TCF12: variants seen among roughly 807,000 people sequenced by gnomAD.
TCF12 encodes the protein transcription factor 12.
TCF12 carries 45 observed loss-of-function variants against 86.0 expected under a neutral mutation model. That is an observed-to-expected ratio of 0.52 (90% CI 0.41 to 0.67). The LOEUF (loss-of-function observed/expected upper bound fraction) is 0.67. Ranked by LOEUF, TCF12 falls within the 30% of genes least tolerant of loss-of-function variation. The pLI, the probability that TCF12 is intolerant of heterozygous loss-of-function variation, is 0.00. For missense variants in TCF12, 881 were observed against 859.9 expected, an observed-to-expected ratio of 1.02 and a Z score of -0.31; for synonymous variants, 330 against 299.6, an observed-to-expected ratio of 1.10 and a Z score of -1.05.
At chr15:57,216,294 A>G (rs1414828465) in intron 8 of TCF12, among the ~76,000 whole-genome samples, 5 of 152,248 alleles carry the variant, frequency 3.3e-5, no homozygotes, top group South Asian at 2.1e-4. Context: ...AGTGTGTACA[A>G]TGATTCCTAT....
chr15:57,134,130 A>G (rs2052352386), intron 5 of TCF12, among the ~76,000 whole-genome samples: 1 of 152,180 alleles, frequency 6.6e-6, no homozygotes, highest in African/African-American at 2.4e-5. Context: ...AAGATTCTAT[A>G]GTTATATTGG....
Position 56,925,063 on chromosome 15 carries a change from A to T in TCF12, c.148+3965A>T, listed in dbSNP as rs371946131. Among the ~76,000 whole-genome samples, 26 of 152,170 alleles carry T rather than the reference A, an allele frequency of 1.7e-4. No homozygotes were observed. The East Asian group carries it at 4.5e-3, about 26-fold the overall frequency. On this transcript the variant is annotated intron_variant, in intron 3 of 20. Coordinates refer to ENST00000333725, the MANE Select transcript of TCF12 (RefSeq NM_207037.2). ...ATAATACAAAAACTTGCTGGGTGTG[A>T]TGGTGGGCACCTGTAATCCCAGCTA...
intron 7 of TCF12, 117 bp from the exon 8 acceptor site, chr15:57,197,656 A>T: frequency 9.0e-7 from 1 of 1,111,902 alleles, no homozygotes; most frequent in Non-Finnish European, 1.3e-6. Context: ...TTTGCTGCTT[A>T]CTCCCAAATA....
intron 5 of TCF12, among the ~76,000 whole-genome samples, chr15:57,143,599 G>A (rs2053148388): frequency 6.6e-6 from 1 of 152,154 alleles, no homozygotes; most frequent in South Asian, 2.1e-4. Flanking sequence ...AAGCTGGGTT[G>A]TAGGTTTTCT....
chr15:57,040,214 AC>A (rs1390782374), intron 3 of TCF12, among the ~76,000 whole-genome samples: 6 of 152,218 alleles, frequency 3.9e-5, no homozygotes, highest in Non-Finnish European at 8.8e-5. Flanking sequence ...TCTTAATGCA[AC>A]AAAAGAGCAA....
chr15:57,268,069 A>T (rs1384066253), intron 18 of TCF12, among the ~76,000 whole-genome samples: 4 of 152,192 alleles, frequency 2.6e-5, no homozygotes, highest in Non-Finnish European at 5.9e-5. Context: ...CACTGAGCTG[A>T]CATCTCATCA....
At chr15:56,990,473 G>A (rs968745048) in intron 3 of TCF12, among the ~76,000 whole-genome samples, 2 of 151,976 alleles carry the variant, frequency 1.3e-5, no homozygotes, top group South Asian at 2.1e-4. Context: ...CCATCATAAG[G>A]TGGTTTTTCT....
intron 8 of TCF12, among the ~76,000 whole-genome samples, chr15:57,221,065 A>G (rs2058567654): frequency 6.6e-6 from 1 of 152,194 alleles, no homozygotes; most frequent in East Asian, 1.9e-4. Flanking sequence ...AGAACTAATA[A>G]AAGCACTTTT....
chr15:57,256,498 T>C (rs1217074526), intron 16 of TCF12, among the ~76,000 whole-genome samples: 2 of 152,130 alleles, frequency 1.3e-5, no homozygotes, highest in Admixed American at 1.3e-4. Flanking sequence ...TCCTCCTAAC[T>C]AATCATGACT....
At position 57,282,490 on chromosome 15, in the gene TCF12, A is replaced by C. The variant is rs2061736480; in HGVS notation, c.2024A>C (p.Glu675Ala). 3.7e-6 allele frequency: 6 copies of C among 1,614,128 alleles called. No homozygotes were observed. The highest frequency in any genetic ancestry group is 5.1e-6 in the Non-Finnish European group (6 of 1,180,054). The change falls in exon 20 of 21, where the codon GAA becomes GCA. Residue 675 changes from glutamate to alanine, a missense_variant. Glu to Ala is a moderately radical substitution (Grantham distance 107, BLOSUM62 -1). Around this residue, in one of 3 missense-constraint regions of TCF12, gnomAD observed 69 missense variants for 64.2 expected, o/e 1.07. Coordinates refer to ENST00000333725, the MANE Select transcript of TCF12 (RefSeq NM_207037.2). ...GCAGCCTGCCTTAAGAGAAGGGAAG[A>C]AGAAAAAGTTTCTGCCGTATCGGCA... The part of the protein sequence containing the change: ...PKAACLKRRE[E>A]EKVSAVSAEP...
chr15:57,181,142 ATT>A (rs1180520556), intron 6 of TCF12, among the ~76,000 whole-genome samples: 1 of 152,088 alleles, frequency 6.6e-6, no homozygotes, highest in African/African-American at 2.4e-5. Context: ...CCTACGGTTA[ATT>A]AGGCCCTTAT....
intron 3 of TCF12, among the ~76,000 whole-genome samples, chr15:56,983,162 A>G (rs1018703624): frequency 6.6e-6 from 1 of 152,172 alleles, no homozygotes; most frequent in African/African-American, 2.4e-5. Flanking sequence ...CTTGATATGT[A>G]TTCAACTCTG....
intron 16 of TCF12, among the ~76,000 whole-genome samples, chr15:57,258,117 T>C (rs1197031745): frequency 2.0e-5 from 3 of 152,166 alleles, no homozygotes; most frequent in South Asian, 2.1e-4. Context: ...CTGGGCAACA[T>C]AGGGAGACCT....
At chr15:56,978,935 A>G (rs1325464979) in intron 3 of TCF12, among the ~76,000 whole-genome samples, 5 of 152,140 alleles carry the variant, frequency 3.3e-5, no homozygotes, top group Non-Finnish European at 5.9e-5. Context: ...TGAATTTTTA[A>G]TTTTAATTAT....
chr15:56,961,990 G>A (rs2061777782), intron 3 of TCF12, among the ~76,000 whole-genome samples: 1 of 151,878 alleles, frequency 6.6e-6, no homozygotes, highest in South Asian at 2.1e-4. Context: ...AAATTAGCCG[G>A]GCGTGGTGGC....
chr15:57,079,558 A>G (rs996107589), intron 4 of TCF12, among the ~76,000 whole-genome samples: 1 of 152,208 alleles, frequency 6.6e-6, no homozygotes, highest in African/African-American at 2.4e-5. Flanking sequence ...GTAAGATACG[A>G]GTCAGTATAT....
intron 16 of TCF12, among the ~76,000 whole-genome samples, chr15:57,258,997 CTA>C (rs1399386629): frequency 6.6e-6 from 1 of 151,978 alleles, no homozygotes; most frequent in Non-Finnish European, 1.5e-5. Flanking sequence ...AATTATGTGT[CTA>C]TGTTTCAACT....
rs80265284 is a variant in TCF12, at chr15:57,242,129, G to A, written c.1036-1343G>A. On this transcript the variant is annotated intron_variant, in intron 12 of 20. Transcript: ENST00000333725. The stretch of plus-strand genomic sequence containing the variant: ...TTTAAAAACAATGTTGAAATTCCTT[G>A]TATGCTGTAAATTGGGTCTCTTTAA... 2.8e-3 allele frequency among the ~76,000 whole-genome samples: 430 copies of A among 152,216 alleles called. 20 individuals carry two copies. In the East Asian group the frequency reaches 0.072, roughly 25 times the overall value.
At chr15:57,263,727 C>A (rs2152062636) in intron 18 of TCF12, among the ~76,000 whole-genome samples, 1 of 152,320 alleles carries the variant, frequency 6.6e-6, no homozygotes. Context: ...TATACTTTCA[C>A]AAACCTAGCC....
Sources: gnomAD v4.1 joint callset for allele counts (sites outside exome capture counted in the v4.1 genomes callset) on GRCh38, gnomAD v4.1.1 for gene constraint, gnomAD v4.1.1 regional missense constraint, MANE v1.5 for transcripts, NCBI Gene and HGNC (gene_info 2026-07-23, HGNC 2026-07-21) for gene names.